IMMP2L: variants seen among roughly 807,000 people sequenced by gnomAD.
The protein encoded by IMMP2L is inner mitochondrial membrane peptidase subunit 2.
A neutral mutation model predicts 19.3 loss-of-function variants in IMMP2L; 18 were observed. The ratio of observed to expected loss-of-function variants is 0.93; its 90% CI spans 0.64 to 1.38. The LOEUF is 1.38. Ranked by LOEUF, IMMP2L falls within the 40% of genes most tolerant of loss-of-function variation. The pLI is 0.00. For missense variants in IMMP2L, 233 were observed against 218.2 expected (o/e 1.07, Z -0.43); for synonymous variants, 76 against 73.0 (o/e 1.04, Z -0.21).
At chr7:111,382,034 T>C (rs1372173022) in intron 3 of IMMP2L, among the ~76,000 whole-genome samples, 3 of 151,862 alleles carry the variant, frequency 2.0e-5, no homozygotes, top group Non-Finnish European at 4.4e-5. Context: ...ATCTGAAGTG[T>C]AACAGAAATG....
chr7:111,192,858 G>T (rs1406429542), intron 3 of IMMP2L, among the ~76,000 whole-genome samples: 1 of 152,078 alleles, frequency 6.6e-6, no homozygotes, highest in East Asian at 1.9e-4. Context: ...AATTACAGAG[G>T]CAAGAAGAGA....
At chr7:111,035,700 A>G (rs1791273149) in intron 3 of IMMP2L, among the ~76,000 whole-genome samples, 1 of 152,198 alleles carries the variant, frequency 6.6e-6, no homozygotes, top group Admixed American at 6.5e-5. Context: ...AAGTTCCAGA[A>G]ATGTTGCACA....
chr7:111,272,205 T>C (rs140244952), intron 3 of IMMP2L, among the ~76,000 whole-genome samples: 260 of 152,292 alleles, frequency 1.7e-3, no homozygotes, highest in African/African-American at 5.1e-3. Flanking sequence ...TTCAGGATTA[T>C]CTTGTGTAAA....
Position 111,123,346 on chromosome 7 carries a change from A to G in IMMP2L, c.240-159781T>C. 1.9e-6 allele frequency: 3 copies of G among 1,613,832 alleles called. No individual in the cohort carries two copies. Among genetic ancestry groups the G allele is most frequent in the Non-Finnish European group, 2.5e-6 (3 of 1,179,922 alleles). On this transcript the variant is annotated intron_variant, in intron 3 of 5. Transcript: ENST00000405709. The surrounding 1 kb of genome is among the most constrained non-coding windows in gnomAD (Gnocchi z 6.4). The stretch of plus-strand genomic sequence containing the variant: ...GTTTGATGCTCTTCCAAATCTAGAG[A>G]TTCTGATGATTGGGGAAAATCCAAT...
chr7:111,468,246 AAAC>A (rs532421005), intron 3 of IMMP2L, among the ~76,000 whole-genome samples: 64 of 152,158 alleles, frequency 4.2e-4, no homozygotes, highest in Non-Finnish European at 9.0e-4. Flanking sequence ...TGTGTAAATA[AAAC>A]ATACATCCCT....
intron 3 of IMMP2L, among the ~76,000 whole-genome samples, chr7:111,110,690 TA>T (rs1166429750): frequency 2.6e-4 from 40 of 152,300 alleles, no homozygotes; most frequent in African/African-American, 9.4e-4. Context: ...TATATGAAAT[TA>T]ATGTTGAGTA....
chr7:111,272,225 C>G (rs1196672578), intron 3 of IMMP2L, among the ~76,000 whole-genome samples: 2 of 152,114 alleles, frequency 1.3e-5, no homozygotes, highest in African/African-American at 4.8e-5. Flanking sequence ...ACTCTCCCAC[C>G]TAACTATGCT....
chr7:111,175,449 G>A (rs1462190598), intron 3 of IMMP2L, among the ~76,000 whole-genome samples: 2 of 151,852 alleles, frequency 1.3e-5, no homozygotes, highest in Non-Finnish European at 2.9e-5. Context: ...TTGTAGGTTT[G>A]TTATGAAGAG....
intron 4 of IMMP2L, among the ~76,000 whole-genome samples, chr7:110,918,716 A>C (rs966632928): frequency 1.3e-5 from 2 of 152,046 alleles, no homozygotes; most frequent in Non-Finnish European, 2.9e-5. Flanking sequence ...GCCCTCTCAA[A>C]GTGCTGAGAT....
chr7:111,291,639 G>C (rs1230814445), intron 3 of IMMP2L, among the ~76,000 whole-genome samples: 1 of 152,070 alleles, frequency 6.6e-6, no homozygotes, highest in Non-Finnish European at 1.5e-5. Context: ...GGTGATTAAA[G>C]GGTACAAAAT....
intron 1 of IMMP2L, among the ~76,000 whole-genome samples, chr7:111,558,899 TTAAG>T (rs1321028254): frequency 6.6e-6 from 1 of 152,204 alleles, no homozygotes. Context: ...CAATGGGTTC[TTAAG>T]TAAGGCTTTT....
At chr7:111,352,695 C>T (rs1828295258) in intron 3 of IMMP2L, among the ~76,000 whole-genome samples, 2 of 152,012 alleles carry the variant, frequency 1.3e-5, no homozygotes, top group Admixed American at 6.6e-5. Context: ...GTGAGGGTTA[C>T]GTGGTGAGGG....
At chr7:110,915,785 CATT>C (rs1482483755) in intron 4 of IMMP2L, among the ~76,000 whole-genome samples, 1 of 151,290 alleles carries the variant, frequency 6.6e-6, no homozygotes, top group Non-Finnish European at 1.5e-5. Context: ...AAAAATAAAA[CATT>C]ATACTGCAAA....
At chr7:111,395,711 T>C (rs986967638) in intron 3 of IMMP2L, among the ~76,000 whole-genome samples, 8 of 152,212 alleles carry the variant, frequency 5.3e-5, no homozygotes, top group Non-Finnish European at 1.0e-4. Flanking sequence ...CAACTATCTA[T>C]AGTAATATTA....
chr7:110,969,900 T>A (rs146666919), intron 3 of IMMP2L, among the ~76,000 whole-genome samples: 1,696 of 152,256 alleles, frequency 0.011, 19 homozygotes, highest in Middle Eastern at 0.02. Flanking sequence ...CCTTTATGTT[T>A]CAGATTTATC....
intron 3 of IMMP2L, among the ~76,000 whole-genome samples, chr7:111,059,548 G>A (rs1793823269): frequency 6.6e-6 from 1 of 152,092 alleles, no homozygotes; most frequent in African/African-American, 2.4e-5. Context: ...CACTTCATGA[G>A]GGGAGGGGTC....
chr7:110,968,852 A>C (rs1819843271), intron 3 of IMMP2L, among the ~76,000 whole-genome samples: 1 of 152,126 alleles, frequency 6.6e-6, no homozygotes, highest in Non-Finnish European at 1.5e-5. Flanking sequence ...ATTCTATCAC[A>C]TCGTAGGTAC....
intron 5 of IMMP2L, among the ~76,000 whole-genome samples, chr7:110,871,826 C>A (rs1808568498): frequency 6.6e-6 from 1 of 152,008 alleles, no homozygotes; most frequent in South Asian, 2.1e-4. Flanking sequence ...TACTATCTGG[C>A]ACACATACTA....
chr7:111,064,695 A>G (rs1320645058), intron 3 of IMMP2L, among the ~76,000 whole-genome samples: 6 of 152,206 alleles, frequency 3.9e-5, no homozygotes, highest in Non-Finnish European at 8.8e-5. Flanking sequence ...TGATTCCATT[A>G]AACTGGAAGT....
Sources: gnomAD v4.1 joint callset for allele counts (sites outside exome capture counted in the v4.1 genomes callset) on GRCh38, gnomAD v4.1.1 for gene constraint, Gnocchi (gnomAD v3.1) non-coding constraint, MANE v1.5 for transcripts, NCBI Gene and HGNC (gene_info 2026-07-23, HGNC 2026-07-21) for gene names.